Variants in CPVL observed in about 807,000 individuals in gnomAD.
The protein encoded by CPVL is probable serine carboxypeptidase CPVL.
In CPVL, 51 loss-of-function variants were observed where a neutral mutation model predicts 63.7. The ratio of observed to expected loss-of-function variants is 0.80; its 90% confidence interval spans 0.64 to 1.01. The LOEUF (loss-of-function observed/expected upper bound fraction) is 1.01, where lower values mean the gene tolerates loss of function less well. Ranked by LOEUF, CPVL falls within the 50% of genes least tolerant of loss-of-function variation. The probability of loss-of-function intolerance (pLI) is 0.00; values close to 1 mark genes in which losing one functional copy is unlikely to be tolerated. For missense variants in CPVL, 530 were observed against 573.1 expected (o/e 0.92, Z 0.77); for synonymous variants, 195 against 206.0 (o/e 0.95, Z 0.46).
chr7:29,071,748 GC>G, intron 9 of CPVL, 24 bp downstream of exon 9: 1 of 1,588,378 alleles, frequency 6.3e-7, no homozygotes, highest in Non-Finnish European at 8.6e-7. Flanking sequence ...TTGCTCAAGG[GC>G]AGCACAGGGC....
intron 5 of CPVL, among the ~76,000 whole-genome samples, chr7:29,172,373 G>A (rs756947464): frequency 6.6e-6 from 1 of 152,100 alleles, no homozygotes; most frequent in Non-Finnish European, 1.5e-5. Flanking sequence ...GCTCACCCTT[G>A]GTTATGATAG....
chr7:29,137,778 A>C (rs573949088), intron 1 of CPVL, among the ~76,000 whole-genome samples: 2 of 152,348 alleles, frequency 1.3e-5, no homozygotes, highest in South Asian at 2.1e-4. Flanking sequence ...TTGGGAGGTC[A>C]TAGAATTTAT....
intron 5 of CPVL, among the ~76,000 whole-genome samples, chr7:29,151,921 G>C (rs998865159): frequency 5.3e-5 from 8 of 152,212 alleles, no homozygotes; most frequent in African/African-American, 1.9e-4. Context: ...AAAGACATTT[G>C]CAAAGGACAA....
upstream of CPVL, among the ~76,000 whole-genome samples, chr7:29,149,483 C>T (rs181572112): frequency 3.9e-5 from 6 of 152,028 alleles, no homozygotes; most frequent in African/African-American, 9.6e-5. Context: ...TGTAAGCCAC[C>T]GTGCCCAGCC....
At chr7:29,191,949 C>T (rs1410083161) in intron 1 of CPVL, 2 of 152,254 alleles carry the variant, frequency 1.3e-5, no homozygotes, top group African/African-American at 2.4e-5. Flanking sequence ...AGCCAGCCTT[C>T]AGGCTCCTGA....
intron 12 of CPVL, chr7:29,010,494 T>C (rs944164620): frequency 6.6e-6 from 1 of 152,208 alleles, no homozygotes; most frequent in Non-Finnish European, 1.5e-5. Flanking sequence ...TTATTTCCTA[T>C]TAGGCTGTCA....
chr7:29,151,307 C>G (rs1310397322), upstream of CPVL, among the ~76,000 whole-genome samples: 1 of 152,140 alleles, frequency 6.6e-6, no homozygotes, highest in Non-Finnish European at 1.5e-5. Flanking sequence ...CCAAATTAAT[C>G]TACGTCTTTT....
At chr7:29,086,419 C>T (rs959397230) in intron 7 of CPVL, 65 bp downstream of exon 7, 1 of 1,114,262 alleles carries the variant, frequency 9.0e-7, no homozygotes, top group African/African-American at 1.5e-5. Flanking sequence ...GAACAAACTA[C>T]ACTCATAATA....
At chr7:29,128,543 C>T (rs1387236465) in intron 1 of CPVL, among the ~76,000 whole-genome samples, 1 of 151,838 alleles carries the variant, frequency 6.6e-6, no homozygotes, top group Non-Finnish European at 1.5e-5. Context: ...CGGTGAAACC[C>T]TGTCTCTATT....
At chr7:29,078,867 C>A (rs1784450481) in intron 7 of CPVL, among the ~76,000 whole-genome samples, 1 of 152,176 alleles carries the variant, frequency 6.6e-6, no homozygotes. Context: ...ATATTAAAAT[C>A]ATTAAATAGT....
intron 3 of CPVL, among the ~76,000 whole-genome samples, chr7:29,104,170 A>C (rs1365873162): frequency 6.6e-6 from 1 of 152,246 alleles, no homozygotes; most frequent in Non-Finnish European, 1.5e-5. Context: ...ATTTTATTTC[A>C]AGTGGTTGGT....
At chr7:29,014,911 CA>C (rs1162501570) in intron 12 of CPVL, among the ~76,000 whole-genome samples, 2 of 152,218 alleles carry the variant, frequency 1.3e-5, no homozygotes, top group East Asian at 3.9e-4. Context: ...ATAAAACACA[CA>C]AAAAATGAAT....
intron 3 of CPVL, among the ~76,000 whole-genome samples, chr7:29,110,193 A>G (rs1584289182): frequency 1.3e-5 from 2 of 152,344 alleles, no homozygotes; most frequent in East Asian, 3.9e-4. Flanking sequence ...AGGGAAAGTA[A>G]GGAATTGGAG....
chr7:29,125,594 CG>C (rs1443750166), intron 1 of CPVL, among the ~76,000 whole-genome samples: 1 of 151,744 alleles, frequency 6.6e-6, no homozygotes. Context: ...GGTTTCACCA[CG>C]TTGGCCAGGC....
At chr7:29,046,207 C>A (rs1789596508) in intron 11 of CPVL, among the ~76,000 whole-genome samples, 1 of 151,716 alleles carries the variant, frequency 6.6e-6, no homozygotes, top group African/African-American at 2.4e-5. Context: ...GCCTCAACCT[C>A]CCAAGTAGCT....
rs1186030589 is a variant in CPVL, at chr7:29,121,027, A to G, written c.35T>C (p.Leu12Pro). ...ACAGGGGCCAGGCATCAACAGGACCAGCGAAACAATCACCTTCCACATGGC... is the reference window on the plus strand; with the variant it reads ...ACAGGGGCCAGGCATCAACAGGACCGGCGAAACAATCACCTTCCACATGGC... ...VGAMWKVIVS[L>P]VLLMPGPCDG... is the part of the protein sequence containing the mutation. The change falls in exon 2 of 13, where the codon CTG (leucine) becomes CCG (proline). Residue 12 changes from leucine (L) to proline (P), a missense_variant. Transcript: ENST00000265394. 3.1e-6 allele frequency: 5 copies of G among 1,608,960 alleles called. No individual in the cohort carries two copies. The highest frequency in any genetic ancestry group is 4.2e-6 in the Non-Finnish European group (5 of 1,178,300).
intron 5 of CPVL, among the ~76,000 whole-genome samples, chr7:29,159,679 C>T (rs1584480072): frequency 6.6e-6 from 1 of 152,046 alleles, no homozygotes. Flanking sequence ...CTACCCTGAC[C>T]CCCCTATTTA....
chr7:29,154,538 A>C (rs1472340477), intron 5 of CPVL, among the ~76,000 whole-genome samples: 1 of 152,196 alleles, frequency 6.6e-6, no homozygotes, highest in Non-Finnish European at 1.5e-5. Flanking sequence ...ATATTTAAAG[A>C]AGTATTATTA....
intron 12 of CPVL, among the ~76,000 whole-genome samples, chr7:29,003,116 T>C (rs1018148918): frequency 5.3e-5 from 8 of 151,600 alleles, no homozygotes; most frequent in African/African-American, 1.9e-4. Context: ...CATAATAGTA[T>C]ATTAGTAATA....
Sources: gnomAD v4.1 joint callset for allele counts (sites outside exome capture counted in the v4.1 genomes callset) on GRCh38, gnomAD v4.1.1 for gene constraint, MANE v1.5 for transcripts, NCBI Gene and HGNC (gene_info 2026-07-23, HGNC 2026-07-21) for gene names.